NCOA1: variants seen among roughly 807,000 people sequenced by gnomAD.
NCOA1 encodes nuclear receptor coactivator 1.
NCOA1 carries 35 observed loss-of-function variants against 150.9 expected under a neutral mutation model. That is an observed-to-expected ratio of 0.23 (90% CI 0.18 to 0.31). The LOEUF is 0.31. Ranked by LOEUF, NCOA1 falls within the 10% of genes least tolerant of loss-of-function variation. The pLI, the probability that NCOA1 is intolerant of heterozygous loss-of-function variation, is 1.00. For missense variants in NCOA1, 1,491 were observed against 1,749.3 expected, an observed-to-expected ratio of 0.85 and a Z score of 2.63; for synonymous variants, 590 against 630.0, an observed-to-expected ratio of 0.94 and a Z score of 0.95.
intron 7 of NCOA1, among the ~76,000 whole-genome samples, chr2:24,679,042 C>A (rs894671347): frequency 6.6e-6 from 1 of 152,092 alleles, no homozygotes; most frequent in African/African-American, 2.4e-5. Context: ...GGAACTTTGT[C>A]CCATCACAGT....
In NCOA1 at chr2:24,730,831, G is replaced by A. The variant is rs983118021; in HGVS notation, c.3201+1016G>A. On this transcript the variant is annotated intron_variant, in intron 17 of 22. Transcript: ENST00000348332. ...ACTTGAGGTTAGGAGTTCGAGACCA[G>A]CGTGGCCAACATGATGAAACCCCAT... is the stretch of plus-strand genomic sequence containing the variant. 2.2e-4 allele frequency among the ~76,000 whole-genome samples: 32 copies of A among 145,362 alleles called. No individual in the cohort carries two copies. The Admixed American group carries it at 2.3e-3, about 10-fold the overall frequency.
At chr2:24,500,408 A>G (rs987051405) in intron 1 of NCOA1, among the ~76,000 whole-genome samples, 4 of 152,200 alleles carry the variant, frequency 2.6e-5, no homozygotes, top group Admixed American at 6.5e-5. Context: ...GCGCCTGGCC[A>G]GTAGTTTCTT....
chr2:24,497,678 A>C (rs919257861), intron 1 of NCOA1, among the ~76,000 whole-genome samples: 1 of 152,136 alleles, frequency 6.6e-6, no homozygotes, highest in African/African-American at 2.4e-5. Context: ...TCTCAAAAAA[A>C]AAAAAAGATT....
chr2:24,559,644 G>A (rs1666216718), intron 1 of NCOA1, among the ~76,000 whole-genome samples: 1 of 152,072 alleles, frequency 6.6e-6, no homozygotes. Context: ...CTTGTGGCCT[G>A]CCCTTTCTTC....
Position 24,691,576 on chromosome 2 carries a change from G to A in NCOA1, c.628G>A (p.Glu210Lys), listed in dbSNP as rs573124083. Reference protein sequence around the residue: ...LIHPPDEPGTENQEACQRYEV... With the variant: ...LIHPPDEPGTKNQEACQRYEV... The stretch of plus-strand genomic sequence containing the variant: ...TCACCCTCCAGATGAGCCAGGGACC[G>A]AGAACCAAGAAGCTTGCCAGCGTTA... Residue 210 changes from glutamate (E) to lysine (K), a missense_variant, in exon 9 of 23, where the codon GAG becomes AAG. This residue lies in a region of NCOA1 where 99 missense variants were observed against 122.8 expected (regional missense o/e 0.81). Transcript: ENST00000348332. 113 of 1,614,040 alleles carry A rather than the reference G, an allele frequency of 7.0e-5. No individual in the cohort carries two copies. The highest frequency in any genetic ancestry group is 9.1e-5 in the Non-Finnish European group (107 of 1,180,024).
chr2:24,677,280 G>T (rs1342481748), intron 7 of NCOA1, among the ~76,000 whole-genome samples: 1 of 152,120 alleles, frequency 6.6e-6, no homozygotes, highest in African/African-American at 2.4e-5. Context: ...GGAGGCAGAG[G>T]TTCCAGTGAG....
intron 1 of NCOA1, among the ~76,000 whole-genome samples, chr2:24,506,283 T>C (rs1424982435): frequency 1.3e-5 from 2 of 152,148 alleles, no homozygotes; most frequent in East Asian, 3.9e-4. Context: ...GCTTGTATTA[T>C]GTAGTCATCA....
chr2:24,625,855 T>C (rs1243551788), intron 3 of NCOA1, among the ~76,000 whole-genome samples: 2 of 152,174 alleles, frequency 1.3e-5, no homozygotes, highest in Non-Finnish European at 2.9e-5. Context: ...TTTTAATTTA[T>C]TTCAGTTGTG....
intron 5 of NCOA1, among the ~76,000 whole-genome samples, chr2:24,664,016 T>C (rs1671301258): frequency 6.6e-6 from 1 of 152,238 alleles, no homozygotes; most frequent in Non-Finnish European, 1.5e-5. Flanking sequence ...TTAGACTGAA[T>C]CTACTACATA....
intron 13 of NCOA1, among the ~76,000 whole-genome samples, chr2:24,708,583 A>C (rs866145411): frequency 2.0e-5 from 3 of 152,176 alleles, no homozygotes; most frequent in Non-Finnish European, 4.4e-5. Flanking sequence ...TGGACTCTGA[A>C]GGAATATAGT....
intron 5 of NCOA1, among the ~76,000 whole-genome samples, chr2:24,663,643 C>T (rs1318253215): frequency 2.0e-5 from 3 of 152,180 alleles, no homozygotes; most frequent in Admixed American, 1.3e-4. Context: ...TAAAGGAAGA[C>T]TTCTTTTCCA....
chr2:24,627,593 T>C (rs1048075574), intron 3 of NCOA1, among the ~76,000 whole-genome samples: 4 of 152,216 alleles, frequency 2.6e-5, no homozygotes, highest in Non-Finnish European at 5.9e-5. Context: ...ATATTTACTT[T>C]TTCTTGGGCC....
At chr2:24,675,910 A>G (rs1671887496) in intron 7 of NCOA1, among the ~76,000 whole-genome samples, 2 of 152,096 alleles carry the variant, frequency 1.3e-5, no homozygotes, top group African/African-American at 4.8e-5. Flanking sequence ...ATAAATAAGT[A>G]AAAAATAAAC....
At position 24,576,156 on chromosome 2, in the gene NCOA1, TTTTTTTG is replaced by T. The variant is rs1201723961; in HGVS notation, c.-259-8306_-259-8300del. ...AGAAATTATTTGGCCTTTGTTTTTT[TTTTTTTG>T]TTTTTTGTTTTTTTTTTTTTTTTTT... On this transcript the variant is annotated intron_variant, in intron 2 of 22. Coordinates refer to ENST00000348332, the MANE Select transcript of NCOA1 (RefSeq NM_003743.5). Among the ~76,000 whole-genome samples the T allele has an allele frequency of 2.4e-3, 225 of 94,336 alleles. 2 individuals are homozygous for T. Among genetic ancestry groups the T allele is most frequent in the African/African-American group, 6.6e-3 (154 of 23,276 alleles). The allele number at this position is 94,336 out of a possible 152,430, so 61.9% of individuals were successfully genotyped here. A position where few individuals can be genotyped will look rare whatever the true frequency, so the allele number is the denominator to read the frequency against.
intron 1 of NCOA1, among the ~76,000 whole-genome samples, chr2:24,543,740 A>C (rs1036911360): frequency 2.0e-5 from 3 of 152,202 alleles, no homozygotes; most frequent in Non-Finnish European, 4.4e-5. Context: ...TGCAGAGGGC[A>C]TAAAGTGAGA....
At chr2:24,657,095 A>G (rs1670983722) in intron 4 of NCOA1, among the ~76,000 whole-genome samples, 1 of 152,228 alleles carries the variant, frequency 6.6e-6, no homozygotes, top group Non-Finnish European at 1.5e-5. Context: ...AAAAATGTAT[A>G]CGAGTTCCCT....
chr2:24,665,363 A>C (rs1671371121), intron 5 of NCOA1, among the ~76,000 whole-genome samples: 1 of 152,156 alleles, frequency 6.6e-6, no homozygotes, highest in African/African-American at 2.4e-5. Context: ...AATTTGTAAC[A>C]GTTATTTGAA....
At chr2:24,594,228 A>T (rs1357391592) in intron 3 of NCOA1, among the ~76,000 whole-genome samples, 1 of 152,124 alleles carries the variant, frequency 6.6e-6, no homozygotes. Context: ...GAATTCAATA[A>T]ATGGTAATTT....
chr2:24,734,293 T>C (rs1431848542), intron 17 of NCOA1, among the ~76,000 whole-genome samples: 1 of 151,942 alleles, frequency 6.6e-6, no homozygotes, highest in Non-Finnish European at 1.5e-5. Context: ...TGAAAGAAAT[T>C]ATGTCTCCTA....
Sources: allele counts gnomAD v4.1 joint callset (sites outside exome capture counted in the v4.1 genomes callset), GRCh38; gene constraint gnomAD v4.1.1; regional missense constraint gnomAD v4.1.1; transcripts MANE v1.5; gene names NCBI Gene and HGNC (gene_info 2026-07-23, HGNC 2026-07-21).